Variants in AKAP9 observed in about 807,000 individuals in gnomAD.
The protein encoded by AKAP9 is A-kinase anchor protein 9.
Under a neutral mutation model 488.5 loss-of-function variants are expected in AKAP9, and 311 were observed. The ratio of observed to expected loss-of-function variants is 0.64; its 90% CI spans 0.58 to 0.70. The LOEUF (loss-of-function observed/expected upper bound fraction) is 0.70, where lower values mean the gene tolerates loss of function less well. AKAP9 is among the 30% of genes least tolerant of loss of function. AKAP9 has a pLI of 0.00. For synonymous variants in AKAP9, 1,462 were observed against 1,483.5 expected (o/e 0.99, Z 0.33); for missense variants, 4,215 against 4,374.5 (o/e 0.96, Z 1.03).
intron 8 of AKAP9, among the ~76,000 whole-genome samples, chr7:92,006,464 C>T (rs2130682803): frequency 6.6e-6 from 1 of 152,202 alleles, no homozygotes; most frequent in Middle Eastern, 3.4e-3. Flanking sequence ...ATTCTATTTT[C>T]TGTACTAAAG....
In AKAP9 at chr7:92,016,192, G is replaced by T; in HGVS notation, c.3676G>T (p.Asp1226Tyr). The T allele has an allele frequency of 6.3e-7, 1 of 1,590,124 alleles. No homozygotes were observed. The highest frequency in any genetic ancestry group is 1.1e-5 in the South Asian group (1 of 90,504). ...TTTAAAATGTGAAGTAAATGCAGAA[G>T]ACAAAGAGAATTCTGGTGATTACAT... is the stretch of plus-strand genomic sequence containing the variant. ...PALKCEVNAEDKENSGDYISE... is the reference protein window; with the variant it reads ...PALKCEVNAEYKENSGDYISE... The change falls in exon 11 of 50, where the codon GAC (aspartate) becomes TAC (tyrosine). Residue 1226 changes from aspartate (D) to tyrosine (Y), a missense_variant. Coordinates refer to ENST00000356239, the MANE Select transcript of AKAP9 (RefSeq NM_005751.5).
At chr7:92,004,491 G>C (rs191760260) in intron 8 of AKAP9, among the ~76,000 whole-genome samples, 37 of 152,066 alleles carry the variant, frequency 2.4e-4, no homozygotes, top group Middle Eastern at 3.4e-3. Flanking sequence ...CTTTTATTTC[G>C]TTGAGCAGTC....
chr7:92,066,176 A>C (rs535602210), intron 25 of AKAP9, among the ~76,000 whole-genome samples: 1 of 152,332 alleles, frequency 6.6e-6, no homozygotes, highest in African/African-American at 2.4e-5. Context: ...TACTTGAATA[A>C]AAAAAGAAAT....
chr7:92,070,389 T>TTTGTTG (rs878913286), intron 27 of AKAP9, among the ~76,000 whole-genome samples, 183 bp downstream of exon 27: 1 of 140,484 alleles, frequency 7.1e-6, no homozygotes, highest in Non-Finnish European at 1.5e-5. Flanking sequence ...GGAAGAGTTT[T>TTTGTTG]TTGTTGTTGT....
chr7:92,107,573 A>G (rs1184505861), intron 48 of AKAP9, 151 bp downstream of exon 48: 3 of 761,600 alleles, frequency 3.9e-6, no homozygotes, highest in Non-Finnish European at 6.4e-6. Flanking sequence ...GCGGTGGCTC[A>G]CACCTATAAT....
chr7:92,056,882 G>A (rs1808868997), intron 22 of AKAP9, among the ~76,000 whole-genome samples: 1 of 151,940 alleles, frequency 6.6e-6, no homozygotes, highest in Non-Finnish European at 1.5e-5. Context: ...TTACTGGAAA[G>A]AATAATACCA....
At chr7:92,058,405 T>C in intron 22 of AKAP9, 1 of 530,010 alleles carries the variant, frequency 1.9e-6, no homozygotes, top group Non-Finnish European at 3.8e-6. Context: ...TGCCTACCCC[T>C]CCTTATTCAG....
At position 92,099,728 on chromosome 7, in the gene AKAP9, T is replaced by G. The variant is rs1290920018; in HGVS notation, c.10755T>G (p.Thr3585=). ...CAAGTACTTCTTGTGGCTCATTGAC[T>G]GAAAGACTACTGAGACAAAATGCTG... ...VSPSTSCGSL[T]ERLLRQNAEL... Residue 3585 remains threonine (T), a synonymous_variant, in exon 44 of 50, where the codon ACT becomes ACG. Coordinates refer to ENST00000356239, the MANE Select transcript of AKAP9 (RefSeq NM_005751.5). 1.2e-6 allele frequency: 2 copies of G among 1,613,970 alleles called. No individual in the cohort carries two copies. Among genetic ancestry groups the G allele is most frequent in the African/African-American group, 1.3e-5 (1 of 74,908 alleles).
At chr7:92,044,924 G>T (rs1164518951) in intron 20 of AKAP9, 84 bp from the exon 21 acceptor site, 3 of 1,004,592 alleles carry the variant, frequency 3.0e-6, no homozygotes, top group African/African-American at 1.6e-5. Flanking sequence ...CAAATATTTT[G>T]CAGTGTACTT....
At chr7:91,958,938 G>A (rs2130501957) in intron 1 of AKAP9, among the ~76,000 whole-genome samples, 1 of 152,000 alleles carries the variant, frequency 6.6e-6, no homozygotes, top group East Asian at 1.9e-4. Context: ...AGGCTGGAAT[G>A]CAGTGGCATG....
chr7:92,105,539 T>C (rs1818372428), intron 46 of AKAP9, 139 bp from the exon 47 acceptor site: 1 of 721,324 alleles, frequency 1.4e-6, no homozygotes, highest in African/African-American at 1.7e-5. Context: ...ACAACAGGCA[T>C]TGACATAGTT....
chr7:92,041,109 C>G, intron 18 of AKAP9: 1 of 514,476 alleles, frequency 1.9e-6, no homozygotes, highest in East Asian at 3.0e-5. Context: ...GGACACCTAT[C>G]TCAACCTTGG....
At chr7:91,994,871 C>T in intron 6 of AKAP9, 95 bp downstream of exon 6, 1 of 1,185,082 alleles carries the variant, frequency 8.4e-7, no homozygotes, top group Non-Finnish European at 1.2e-6. Flanking sequence ...TTAAAAAAGC[C>T]ATTTCGTATT....
At position 92,062,426 on chromosome 7, in the gene AKAP9, A is replaced by G; in HGVS notation, c.5917A>G (p.Arg1973Gly). Residue 1973 changes from arginine (R) to glycine (G), a missense_variant, in exon 24 of 50, where the codon AGA (arginine) becomes GGA (glycine). Arg to Gly is a moderately radical substitution (Grantham distance 125, BLOSUM62 -2). Transcript: ENST00000356239. ...EAEQQQIQEE[R>G]ELLSRQKEAM... ...AGAGCAACAGCAGATCCAAGAAGAA[A>G]GAGAATTACTGTCCAGACAAAAGGA... 1 of 1,613,906 alleles carries G rather than the reference A, an allele frequency of 6.2e-7. No homozygotes were observed. The highest frequency in any genetic ancestry group is 1.7e-5 in the Admixed American group (1 of 60,000).
intron 45 of AKAP9, 107 bp downstream of exon 45, chr7:92,101,163 A>G: frequency 9.3e-7 from 1 of 1,076,916 alleles, no homozygotes; most frequent in Non-Finnish European, 1.3e-6. Flanking sequence ...AGGGCCTGGC[A>G]CAGTGGTTCA....
intron 28 of AKAP9, among the ~76,000 whole-genome samples, chr7:92,073,875 C>T (rs1442010553): frequency 6.6e-6 from 1 of 152,174 alleles, no homozygotes; most frequent in Admixed American, 6.5e-5. Context: ...CAAAAATTAA[C>T]TCAAGATGGA....
intron 22 of AKAP9, among the ~76,000 whole-genome samples, chr7:92,059,357 C>T (rs1433436513): frequency 6.6e-6 from 1 of 151,828 alleles, no homozygotes; most frequent in Admixed American, 6.6e-5. Context: ...AAGGGTGTCT[C>T]ATCTCCCGAT....
rs1443301693 is a variant in AKAP9, at chr7:92,038,566, G to C, written c.4486G>C (p.Asp1496His). The change falls in exon 17 of 50, where the codon GAT becomes CAT. Residue 1496 changes from aspartate to histidine, a missense_variant. Coordinates refer to ENST00000356239, the MANE Select transcript of AKAP9 (RefSeq NM_005751.5). ...HYFNEMKLSQ[D>H]QIGFQTFETV... Reference sequence around the variant, plus strand: ...TTTTAATGAAATGAAATTATCACAGGATCAAATTGGTTTTCAGACTTTTGA... The same window carrying C: ...TTTTAATGAAATGAAATTATCACAGCATCAAATTGGTTTTCAGACTTTTGA... 6.2e-7 allele frequency: 1 copy of C among 1,613,730 alleles called. No homozygotes were observed. Among genetic ancestry groups the C allele is most frequent in the African/African-American group, 1.3e-5 (1 of 74,892 alleles).
chr7:92,010,566 A>G (rs1276400885), intron 8 of AKAP9, among the ~76,000 whole-genome samples: 1 of 152,214 alleles, frequency 6.6e-6, no homozygotes, highest in Non-Finnish European at 1.5e-5. Flanking sequence ...CTGCAGGTCA[A>G]ACCCTGGCAC....
Sources: allele counts gnomAD v4.1 joint callset (sites outside exome capture counted in the v4.1 genomes callset), GRCh38; gene constraint gnomAD v4.1.1; transcripts MANE v1.5; gene names NCBI Gene and HGNC (gene_info 2026-07-23, HGNC 2026-07-21).